Variants in ZNF423 observed in about 807,000 individuals in gnomAD.
ZNF423 encodes Ebf-associated zinc finger protein.
Under a neutral mutation model 95.8 loss-of-function variants are expected in ZNF423, and 12 were observed. That is an observed-to-expected ratio of 0.13 (90% CI 0.08 to 0.20). ZNF423 has a LOEUF of 0.20. Among genes scored for constraint, ZNF423 ranks in the 10% least tolerant of loss-of-function variants. The pLI, the probability that ZNF423 is intolerant of heterozygous loss-of-function variation, is 1.00. For synonymous variants in ZNF423, 749 were observed against 711.9 expected (o/e 1.05, Z -0.83); for missense variants, 1,316 against 1,737.1 (o/e 0.76, Z 4.31).
At chr16:49,652,277 A>G (rs1356291010) in intron 3 of ZNF423, among the ~76,000 whole-genome samples, 2 of 152,120 alleles carry the variant, frequency 1.3e-5, no homozygotes, top group Non-Finnish European at 2.9e-5. Flanking sequence ...CCCTTAGACA[A>G]ATTTACTTAG....
intron 3 of ZNF423, among the ~76,000 whole-genome samples, chr16:49,696,614 C>T (rs1013074142): frequency 6.6e-6 from 1 of 152,172 alleles, no homozygotes; most frequent in Non-Finnish European, 1.5e-5. Context: ...GAAGGAAAAC[C>T]CTGGGCCACA....
intron 2 of ZNF423, among the ~76,000 whole-genome samples, chr16:49,745,612 G>A (rs143997921): frequency 6.6e-5 from 10 of 152,300 alleles, no homozygotes; most frequent in South Asian, 4.1e-4. Flanking sequence ...GCACTCGAGC[G>A]CGACGTGGTC....
At chr16:49,815,996 G>A (rs1285394733) in intron 1 of ZNF423, among the ~76,000 whole-genome samples, 5 of 133,750 alleles carry the variant, frequency 3.7e-5, no homozygotes, top group Non-Finnish European at 4.6e-5. Context: ...TCAGCTCACC[G>A]CAAACTTCAC....
At chr16:49,814,691 G>T (rs963403947) in intron 1 of ZNF423, among the ~76,000 whole-genome samples, 14 of 150,490 alleles carry the variant, frequency 9.3e-5, no homozygotes, top group Non-Finnish European at 1.9e-4. Flanking sequence ...AGCCACTATT[G>T]TAAAAAAAAA....
chr16:49,831,644 A>T lies in ZNF423; in HGVS notation c.40+24091T>A, dbSNP rs138692137. 5.8e-3 allele frequency among the ~76,000 whole-genome samples: 889 copies of T among 152,342 alleles called. 7 individuals are homozygous for T. The highest frequency in any genetic ancestry group is 0.021 in the African/African-American group (857 of 41,584). On this transcript the variant is annotated intron_variant, in intron 1 of 7. Coordinates refer to ENST00000563137, the MANE Select transcript of ZNF423 (RefSeq NM_001379286.1). ...AGGGATCAACAGGAGCTGTTCTCCC[A>T]GGGGACACTTGGGACACCCAGACTA...
intron 1 of ZNF423, among the ~76,000 whole-genome samples, chr16:49,809,881 C>T (rs142477286): frequency 1.2e-3 from 186 of 152,246 alleles, no homozygotes; most frequent in African/African-American, 4.3e-3. Flanking sequence ...CCTTATGAAC[C>T]GCATGAGAGT....
intron 3 of ZNF423, among the ~76,000 whole-genome samples, chr16:49,672,901 G>T (rs2030879165): frequency 6.6e-6 from 1 of 152,184 alleles, no homozygotes; most frequent in East Asian, 1.9e-4. Context: ...AATGTACCGA[G>T]TGTCCACAGC....
intron 5 of ZNF423, among the ~76,000 whole-genome samples, chr16:49,600,692 C>A (rs1442234705): frequency 2.6e-5 from 4 of 152,164 alleles, no homozygotes; most frequent in Non-Finnish European, 5.9e-5. Flanking sequence ...TACCCGCCAG[C>A]GGCAAGATTG....
intron 1 of ZNF423, among the ~76,000 whole-genome samples, chr16:49,833,617 G>C (rs1009029648): frequency 6.7e-6 from 1 of 148,816 alleles, no homozygotes; most frequent in African/African-American, 2.5e-5. Flanking sequence ...TCCTTTATTC[G>C]GCAAGACAAT....
chr16:49,629,630 G>C (rs762777846), intron 4 of ZNF423, among the ~76,000 whole-genome samples: 3 of 152,216 alleles, frequency 2.0e-5, no homozygotes, highest in African/African-American at 7.2e-5. Flanking sequence ...ATACATTGTT[G>C]TGTCAGGGTG....
rs1567373649 is a variant in ZNF423 at position 49,855,508 on chromosome 16, C to CCCTCCG, written c.40+221_40+226dup. Reference sequence around the variant, plus strand: ...GCAGGGAGGGTGTCCGCGGCGTACCCCCTCCGCCGCCGCCGCCGCCGCCGC... The same window carrying CCCTCCG: ...GCAGGGAGGGTGTCCGCGGCGTACCCCCTCCGCCTCCGCCGCCGCCGCCGCCGCCGC... On this transcript the variant is annotated intron_variant, in intron 1 of 7. Coordinates refer to ENST00000563137, the MANE Select transcript of ZNF423 (RefSeq NM_001379286.1). This position sits in a 1 kb window ranked among gnomAD's most constrained non-coding sequence, Gnocchi z 4.7. 2.0e-5 allele frequency among the ~76,000 whole-genome samples: 2 copies of CCCTCCG among 100,426 alleles called. No individual in the cohort carries two copies. The highest frequency in any genetic ancestry group is 3.9e-5 in the Non-Finnish European group (2 of 51,410). 65.9% of individuals were successfully genotyped at this position (100,426 alleles called of 152,430 possible).
In ZNF423 at chr16:49,638,639, G is replaced by A; in HGVS notation, c.537C>T (p.Cys179=). Residue 179 remains cysteine, a synonymous_variant, in exon 4 of 8, where the codon TGC becomes TGT. Coordinates refer to ENST00000563137, the MANE Select transcript of ZNF423 (RefSeq NM_001379286.1). This position sits in a 1 kb window ranked among gnomAD's most constrained non-coding sequence, Gnocchi z 5.6. Reference sequence around the variant, plus strand: ...TCCTCTTGTGCTTGAAGAGGCGGCTGCAGTAGGTGCACTTGAACGGCAGCT... The same window carrying A: ...TCCTCTTGTGCTTGAAGAGGCGGCTACAGTAGGTGCACTTGAACGGCAGCT... ...SDKLPFKCTY[C]SRLFKHKRSR... 6.2e-7 allele frequency: 1 copy of A among 1,613,958 alleles called. No individual in the cohort carries two copies. The highest frequency in any genetic ancestry group is 8.5e-7 in the Non-Finnish European group (1 of 1,179,962).
At chr16:49,643,033 C>T (rs1293695135) in intron 3 of ZNF423, among the ~76,000 whole-genome samples, 1 of 151,966 alleles carries the variant, frequency 6.6e-6, no homozygotes, top group Non-Finnish European at 1.5e-5. Context: ...GTTGGCCAGG[C>T]TGGTCTCGAA....
In ZNF423 at chr16:49,855,083, C is replaced by G; in HGVS notation, c.40+652G>C. 1 of 976,668 alleles carries G rather than the reference C, an allele frequency of 1.0e-6. No individual in the cohort carries two copies. Among genetic ancestry groups the G allele is most frequent in the South Asian group, 4.8e-5 (1 of 20,994 alleles). 60.5% of individuals were successfully genotyped at this position (976,668 alleles called of 1,614,324 possible). A position where few individuals can be genotyped will look rare whatever the true frequency, so the allele number is the denominator to read the frequency against. On this transcript the variant is annotated intron_variant, in intron 1 of 7. Transcript: ENST00000563137. This position sits in a 1 kb window ranked among gnomAD's most constrained non-coding sequence, Gnocchi z 4.7. ...CGGAGGCTCCCTGCCCGGTGGGCCT[C>G]GGTGGAGGAGGCAGGAAGTGCAGGG...
chr16:49,737,211 G>T (rs959030927), intron 2 of ZNF423, among the ~76,000 whole-genome samples: 1 of 150,016 alleles, frequency 6.7e-6, no homozygotes, highest in Non-Finnish European at 1.5e-5. Context: ...CCCATTCAAA[G>T]CACGTGCCAG....
intron 3 of ZNF423, among the ~76,000 whole-genome samples, chr16:49,685,042 G>A (rs1433080911): frequency 6.6e-6 from 1 of 152,044 alleles, no homozygotes; most frequent in East Asian, 1.9e-4. Flanking sequence ...GGGTTTACAA[G>A]GGAGTCAGGA....
intron 5 of ZNF423, among the ~76,000 whole-genome samples, chr16:49,618,611 C>A (rs1971957618): frequency 1.3e-5 from 2 of 152,282 alleles, no homozygotes; most frequent in Admixed American, 6.5e-5. Flanking sequence ...GAGGCCTCCC[C>A]AGCCCTGCAG....
At chr16:49,495,969 G>A (rs1250045987) in intron 7 of ZNF423, among the ~76,000 whole-genome samples, 1 of 152,222 alleles carries the variant, frequency 6.6e-6, no homozygotes, top group African/African-American at 2.4e-5. Flanking sequence ...AAGCATGCCA[G>A]CAGCATAAAG....
chr16:49,580,499 A>G (rs190189738), intron 5 of ZNF423, among the ~76,000 whole-genome samples: 6 of 152,308 alleles, frequency 3.9e-5, no homozygotes, highest in African/African-American at 1.2e-4. Flanking sequence ...AGTCTCTCAA[A>G]TGTTTGTTGA....
Sources: gnomAD v4.1 joint callset for allele counts (sites outside exome capture counted in the v4.1 genomes callset) on GRCh38, gnomAD v4.1.1 for gene constraint, Gnocchi (gnomAD v3.1) non-coding constraint, MANE v1.5 for transcripts, NCBI Gene and HGNC (gene_info 2026-07-23, HGNC 2026-07-21) for gene names.